The following RORA variants were observed in gnomAD, a reference collection of about 807,000 sequenced individuals.
The protein encoded by RORA is RAR related orphan receptor A, also known as nuclear receptor ROR-alpha.
RORA carries 7 observed loss-of-function variants against 69.5 expected under a neutral mutation model. The ratio of observed to expected loss-of-function variants is 0.10; its 90% CI spans 0.06 to 0.19. The LOEUF (loss-of-function observed/expected upper bound fraction) is 0.19, where lower values mean the gene tolerates loss of function less well. Ranked by LOEUF, RORA falls within the 10% of genes least tolerant of loss-of-function variation. The pLI is 1.00. For missense variants in RORA, 457 were observed against 663.0 expected (o/e 0.69, Z 3.41); for synonymous variants, 261 against 240.8 (o/e 1.08, Z -0.78).
At chr15:60,846,037 G>A (rs1385356563) in intron 1 of RORA, among the ~76,000 whole-genome samples, 1 of 152,136 alleles carries the variant, frequency 6.6e-6, no homozygotes, top group Non-Finnish European at 1.5e-5. Context: ...GAGCCACCGC[G>A]CCCAGCTGTG....
chr15:60,596,262 G>A (rs1248947430), intron 2 of RORA, among the ~76,000 whole-genome samples: 6 of 152,120 alleles, frequency 3.9e-5, no homozygotes, highest in African/African-American at 1.4e-4. Context: ...GCTGATGCAT[G>A]TGAGGCACAG....
intron 1 of RORA, among the ~76,000 whole-genome samples, chr15:60,708,286 G>T (rs531041307): frequency 1.3e-3 from 201 of 152,042 alleles, no homozygotes; most frequent in African/African-American, 4.7e-3. Flanking sequence ...GCTGGGCTTG[G>T]TGGTGTGTGC....
intron 2 of RORA, among the ~76,000 whole-genome samples, chr15:60,595,305 G>C (rs2068641844): frequency 6.6e-6 from 1 of 152,190 alleles, no homozygotes; most frequent in South Asian, 2.1e-4. Flanking sequence ...TTGAGGTCAG[G>C]AGTTCAAGAC....
chr15:60,778,221 GTT>G (rs760680828), intron 1 of RORA, among the ~76,000 whole-genome samples: 1 of 76,884 alleles, frequency 1.3e-5, no homozygotes, highest in East Asian at 4.3e-4. Flanking sequence ...TCAGGTTTTT[GTT>G]TTTGTTTGTT....
intron 1 of RORA, among the ~76,000 whole-genome samples, chr15:61,221,594 TAC>T (rs1198553727): frequency 6.6e-6 from 1 of 152,226 alleles, no homozygotes; most frequent in African/African-American, 2.4e-5. Flanking sequence ...CTGTCATTTA[TAC>T]ACAATTTTAT....
chr15:60,700,294 T>C (rs143288857), intron 1 of RORA, among the ~76,000 whole-genome samples: 225 of 152,302 alleles, frequency 1.5e-3, no homozygotes, highest in African/African-American at 5.1e-3. Flanking sequence ...GGACAAAATT[T>C]TCAGCAGCAA....
intron 1 of RORA, among the ~76,000 whole-genome samples, chr15:61,187,458 G>C (rs1314029740): frequency 2.0e-5 from 3 of 152,192 alleles, no homozygotes; most frequent in Admixed American, 2.0e-4. Context: ...AGAGCCTCCA[G>C]GGGGAGGATA....
chr15:60,642,352 G>A (rs35742041), intron 2 of RORA, among the ~76,000 whole-genome samples: 11,248 of 152,238 alleles, frequency 0.074, 548 homozygotes, highest in Non-Finnish European at 0.11. Flanking sequence ...CCATTCCGTG[G>A]GACAAATTTG....
intron 2 of RORA, chr15:60,627,569 A>G: frequency 7.6e-7 from 1 of 1,311,400 alleles, no homozygotes; most frequent in African/African-American, 1.5e-5. Flanking sequence ...ACAAAGAATG[A>G]GGTACTTACA....
intron 1 of RORA, among the ~76,000 whole-genome samples, chr15:60,708,393 G>A (rs1243601047): frequency 6.7e-6 from 1 of 148,352 alleles, no homozygotes; most frequent in African/African-American, 2.5e-5. Flanking sequence ...CCGCACTCCA[G>A]CCTGGGCAAC....
intron 1 of RORA, among the ~76,000 whole-genome samples, chr15:61,006,896 C>A (rs1339170211): frequency 6.6e-6 from 1 of 152,020 alleles, no homozygotes; most frequent in Non-Finnish European, 1.5e-5. Context: ...CTTGAAGTGT[C>A]ACAAAAATCC....
At chr15:61,112,454 G>A (rs2079015415) in intron 1 of RORA, among the ~76,000 whole-genome samples, 1 of 152,106 alleles carries the variant, frequency 6.6e-6, no homozygotes, top group African/African-American at 2.4e-5. Flanking sequence ...CCCAGGGGGA[G>A]TGGCATTTGA....
chr15:60,883,283 G>C (rs963970609), intron 1 of RORA, among the ~76,000 whole-genome samples: 6 of 152,046 alleles, frequency 3.9e-5, no homozygotes, highest in African/African-American at 1.4e-4. Context: ...CATAGGAAAA[G>C]GATGGATACG....
At chr15:60,899,238 C>T (rs1891317116) in intron 1 of RORA, among the ~76,000 whole-genome samples, 1 of 152,224 alleles carries the variant, frequency 6.6e-6, no homozygotes, top group African/African-American at 2.4e-5. Context: ...GAAGTAACTG[C>T]ATATACCAGT....
chr15:60,910,684 G>A (rs1891680628), intron 1 of RORA, among the ~76,000 whole-genome samples: 2 of 152,086 alleles, frequency 1.3e-5, no homozygotes, highest in South Asian at 4.1e-4. Context: ...AACCCAGATT[G>A]GCTAGTTCCA....
intron 1 of RORA, among the ~76,000 whole-genome samples, chr15:60,842,729 T>C (rs1305987027): frequency 1.4e-5 from 2 of 146,214 alleles, no homozygotes; most frequent in Middle Eastern, 3.5e-3. Context: ...TGGGCTGTCA[T>C]GGTCACCCCC....
chr15:60,662,192 T>C (rs2070313439), intron 2 of RORA, among the ~76,000 whole-genome samples: 1 of 152,244 alleles, frequency 6.6e-6, no homozygotes. Flanking sequence ...TATTAGCTTA[T>C]GATGGTTCCC....
intron 1 of RORA, among the ~76,000 whole-genome samples, chr15:61,078,831 C>G (rs2078494084): frequency 6.6e-6 from 1 of 152,148 alleles, no homozygotes; most frequent in African/African-American, 2.4e-5. Flanking sequence ...GCCTACCTAT[C>G]TCATGGAATC....
intron 1 of RORA, among the ~76,000 whole-genome samples, chr15:60,724,626 C>T (rs1402466708): frequency 6.6e-6 from 1 of 152,164 alleles, no homozygotes. Context: ...TGAATATTGG[C>T]CCCATCTTCT....
Sources: allele counts gnomAD v4.1 joint callset (sites outside exome capture counted in the v4.1 genomes callset), GRCh38; gene constraint gnomAD v4.1.1; transcripts MANE v1.5; gene names NCBI Gene and HGNC (gene_info 2026-07-23, HGNC 2026-07-21).